The following ARHGAP21 variants were observed in gnomAD, a reference collection of about 807,000 sequenced individuals.
The protein encoded by ARHGAP21 is rho GTPase-activating protein 21.
ARHGAP21 carries 38 observed loss-of-function variants against 164.6 expected under a neutral mutation model. That is an observed-to-expected ratio of 0.23 (90% CI 0.18 to 0.30). The LOEUF (loss-of-function observed/expected upper bound fraction) is 0.30. ARHGAP21 is among the 10% of genes least tolerant of loss of function. The pLI is 1.00. For synonymous variants in ARHGAP21, 766 were observed against 857.9 expected (o/e 0.89, Z 1.87); for missense variants, 1,822 against 2,370.7 (o/e 0.77, Z 4.81).
Position 24,584,252 on chromosome 10 carries a change from C to T in ARHGAP21, c.*160G>A. 1 of 605,264 alleles carries T rather than the reference C, an allele frequency of 1.7e-6. No homozygotes were observed. Among genetic ancestry groups the T allele is most frequent in the Admixed American group, 2.8e-5 (1 of 35,216 alleles). 37.5% of individuals were successfully genotyped at this position (605,264 alleles called of 1,614,324 possible). A position where few individuals can be genotyped will look rare whatever the true frequency, so the allele number is the denominator to read the frequency against. ...TATATATATATATATGTTCTTCTGGCTGTAGTAATGCACTGTAAAGCTATT... is the reference window on the plus strand; with the variant it reads ...TATATATATATATATGTTCTTCTGGTTGTAGTAATGCACTGTAAAGCTATT... On this transcript the variant is annotated 3_prime_UTR_variant, in exon 26 of 26. Transcript: ENST00000396432.
At chr10:24,707,430 T>C (rs1844346678) in intron 2 of ARHGAP21, among the ~76,000 whole-genome samples, 1 of 152,184 alleles carries the variant, frequency 6.6e-6, no homozygotes, top group Non-Finnish European at 1.5e-5. Context: ...CTCTAATTTC[T>C]TACACTTCCA....
chr10:24,596,173 CATT>C (rs1388184382), intron 17 of ARHGAP21, 130 bp from the exon 18 acceptor site: 2 of 734,482 alleles, frequency 2.7e-6, no homozygotes, highest in African/African-American at 1.8e-5. Flanking sequence ...AGAATACAGA[CATT>C]ATAGATCTGG....
intron 24 of ARHGAP21, chr10:24,590,314 C>A: frequency 6.5e-7 from 1 of 1,534,978 alleles, no homozygotes; most frequent in South Asian, 1.2e-5. Flanking sequence ...AAACTTTACA[C>A]CACAGATCAA....
chr10:24,642,590 G>A (rs577436159), intron 4 of ARHGAP21, among the ~76,000 whole-genome samples: 1 of 150,770 alleles, frequency 6.6e-6, no homozygotes, highest in African/African-American at 2.4e-5. Context: ...TCTGCACTAT[G>A]TGATCGGTAC....
At chr10:24,602,877 G>C (rs988592335) in intron 12 of ARHGAP21, among the ~76,000 whole-genome samples, 25 of 152,184 alleles carry the variant, frequency 1.6e-4, no homozygotes, top group African/African-American at 5.3e-4. Flanking sequence ...ATGGGGGAAA[G>C]TGAAAAAGAA....
rs372720100 is a variant in ARHGAP21 at position 24,705,380 on chromosome 10, G to A, written c.63+16457C>T. Among the ~76,000 whole-genome samples the A allele has an allele frequency of 2.8e-4, 43 of 152,166 alleles. No homozygotes were observed. In the East Asian group the frequency reaches 4.8e-3, roughly 17 times the overall value. On this transcript the variant is annotated intron_variant, in intron 2 of 25. Transcript: ENST00000396432. ...AAGTGCATTGAGGGATCAATCTTAC[G>A]GTGAAACAAACAGAGACTAAATGAC...
intron 19 of ARHGAP21, 76 bp from the exon 20 acceptor site, chr10:24,595,266 C>T: frequency 2.5e-6 from 3 of 1,200,620 alleles, no homozygotes; most frequent in Non-Finnish European, 3.6e-6. Flanking sequence ...CTTTAAGGAT[C>T]AATTTTAAAC....
Position 24,693,891 on chromosome 10 carries a change from T to C in ARHGAP21, c.64-23494A>G, listed in dbSNP as rs148619390. Reference sequence around the variant, plus strand: ...TTATTTTTGTAATTATATTTTTATTTCTGTGTTCATTCATTTAGTATCTCT... The same window carrying C: ...TTATTTTTGTAATTATATTTTTATTCCTGTGTTCATTCATTTAGTATCTCT... On this transcript the variant is annotated intron_variant, in intron 2 of 25. Transcript: ENST00000396432. 5.1e-3 allele frequency among the ~76,000 whole-genome samples: 773 copies of C among 152,366 alleles called. 7 individuals carry two copies. The highest frequency in any genetic ancestry group is 0.018 in the African/African-American group (746 of 41,582).
chr10:24,614,516 G>A (rs2131089414), intron 9 of ARHGAP21, among the ~76,000 whole-genome samples: 1 of 152,252 alleles, frequency 6.6e-6, no homozygotes, highest in Middle Eastern at 3.4e-3. Flanking sequence ...GTTTTGGGAG[G>A]GCACAGTGGC....
intron 24 of ARHGAP21, 65 bp from the exon 25 acceptor site, chr10:24,589,367 C>A: frequency 7.0e-7 from 1 of 1,432,764 alleles, no homozygotes; most frequent in Non-Finnish European, 9.7e-7. Flanking sequence ...ACAAACAATG[C>A]AAAACTTATG....
At chr10:24,665,504 G>C (rs896412465) in intron 4 of ARHGAP21, among the ~76,000 whole-genome samples, 18 of 152,096 alleles carry the variant, frequency 1.2e-4, no homozygotes, top group African/African-American at 4.1e-4. Flanking sequence ...CCTGACAAAA[G>C]AGTACATGCT....
At chr10:24,684,948 G>A (rs1203962791) in intron 2 of ARHGAP21, among the ~76,000 whole-genome samples, 2 of 152,022 alleles carry the variant, frequency 1.3e-5, no homozygotes, top group Non-Finnish European at 2.9e-5. Flanking sequence ...CTAGGAATGG[G>A]TTAACAAATA....
At chr10:24,664,259 A>G (rs139208847) in intron 4 of ARHGAP21, among the ~76,000 whole-genome samples, 4 of 152,282 alleles carry the variant, frequency 2.6e-5, no homozygotes, top group East Asian at 3.9e-4. Context: ...CCCACCGTCA[A>G]TAACAGTATA....
At chr10:24,593,462 A>G (rs1017381396) in intron 21 of ARHGAP21, among the ~76,000 whole-genome samples, 5 of 151,668 alleles carry the variant, frequency 3.3e-5, no homozygotes, top group Non-Finnish European at 7.3e-5. Context: ...GACTAATGAT[A>G]ACAAACATTA....
chr10:24,678,302 G>A (rs1391866208), intron 2 of ARHGAP21, among the ~76,000 whole-genome samples: 1 of 152,028 alleles, frequency 6.6e-6, no homozygotes, highest in African/African-American at 2.4e-5. Flanking sequence ...GTTCTGTGCA[G>A]GGTTATCACA....
At chr10:24,706,073 T>C (rs1478808260) in intron 2 of ARHGAP21, among the ~76,000 whole-genome samples, 2 of 152,200 alleles carry the variant, frequency 1.3e-5, no homozygotes, top group Non-Finnish European at 2.9e-5. Flanking sequence ...AATCCCACTG[T>C]GAAAGAACTC....
chr10:24,616,030 A>G (rs1833916059), intron 9 of ARHGAP21, among the ~76,000 whole-genome samples: 1 of 152,108 alleles, frequency 6.6e-6, no homozygotes, highest in Admixed American at 6.6e-5. Context: ...TGACTGCCTC[A>G]GCCTCCCAAA....
rs1010221037 is a variant in ARHGAP21, at chr10:24,584,940, T to C, written c.5349A>G (p.Val1783=). The part of the protein sequence containing the change: ...PRAPADDMFG[V]GNHKVNAETA... ...TCTCGGCATTCACTTTGTGATTCCC[T>C]ACTCCAAACATGTCATCCGCAGGGG... Residue 1783 remains valine (V), a synonymous_variant, in exon 26 of 26, where the codon GTA becomes GTG. Coordinates refer to ENST00000396432, the MANE Select transcript of ARHGAP21 (RefSeq NM_020824.4). The C allele has an allele frequency of 1.2e-6, 2 of 1,613,864 alleles. No individual in the cohort carries two copies. Among genetic ancestry groups the C allele is most frequent in the African/African-American group, 2.7e-5 (2 of 74,918 alleles).
At chr10:24,634,150 G>C (rs1246009119) in intron 5 of ARHGAP21, among the ~76,000 whole-genome samples, 4 of 151,594 alleles carry the variant, frequency 2.6e-5, no homozygotes, top group African/African-American at 7.3e-5. Context: ...AAATACGACA[G>C]ATGATACATT....
Sources: allele counts gnomAD v4.1 joint callset (sites outside exome capture counted in the v4.1 genomes callset), GRCh38; gene constraint gnomAD v4.1.1; transcripts MANE v1.5; gene names NCBI Gene and HGNC (gene_info 2026-07-23, HGNC 2026-07-21).